CD72: variants seen among roughly 807,000 people sequenced by gnomAD.
CD72 encodes CD72 molecule.
Under a neutral mutation model 50.7 loss-of-function variants are expected in CD72, and 28 were observed. The observed-to-expected ratio is 0.55, with a 90% confidence interval of 0.41 to 0.76. CD72 has a LOEUF of 0.76. CD72 is among the 30% of genes least tolerant of loss of function. The probability of loss-of-function intolerance (pLI) is 0.00; values close to 1 mark genes in which losing one functional copy is unlikely to be tolerated. For synonymous variants in CD72, 176 were observed against 171.2 expected, an observed-to-expected ratio of 1.03 and a Z score of -0.22; for missense variants, 403 against 420.6, an observed-to-expected ratio of 0.96 and a Z score of 0.37.
At chr9:35,615,627 A>G (rs1052588927) in intron 5 of CD72, among the ~76,000 whole-genome samples, 3 of 151,742 alleles carry the variant, frequency 2.0e-5, no homozygotes, top group South Asian at 2.1e-4. Flanking sequence ...TTCACATCCA[A>G]ATTTGGGGGC....
upstream of CD72, among the ~76,000 whole-genome samples, chr9:35,622,699 A>T (rs1476495847): frequency 1.3e-5 from 2 of 152,080 alleles, no homozygotes; most frequent in African/African-American, 2.4e-5. Flanking sequence ...AAGCAAAAGA[A>T]TCGCTTAAAC....
rs772725964 is a variant in CD72, at chr9:35,615,924, C to T, written c.688+19G>A. 1.1e-5 allele frequency: 17 copies of T among 1,596,866 alleles called. No individual in the cohort carries two copies. The highest frequency in any genetic ancestry group is 4.0e-5 in the African/African-American group (3 of 74,324). On this transcript the variant is annotated intron_variant, in intron 5 of 8. Transcript: ENST00000259633. ...CTCCAATCCATCCCTCCCTTCTCTC[C>T]TCTCCCCAGAGCGGATACCTGCTGA...
At chr9:35,635,110 A>T (rs766299174) in intron 1 of CD72, among the ~76,000 whole-genome samples, 2 of 152,232 alleles carry the variant, frequency 1.3e-5, no homozygotes, top group Non-Finnish European at 2.9e-5. Flanking sequence ...TCAGGGTTGC[A>T]GATGAGAAAA....
At chr9:35,645,168 C>T (rs1245455421) in intron 1 of CD72, among the ~76,000 whole-genome samples, 1 of 140,766 alleles carries the variant, frequency 7.1e-6, no homozygotes, top group Admixed American at 7.6e-5. Flanking sequence ...CACTGCACTT[C>T]AGCCTGGGCA....
At chr9:35,611,438 C>T (rs1404613962) in intron 7 of CD72, among the ~76,000 whole-genome samples, 1 of 152,124 alleles carries the variant, frequency 6.6e-6, no homozygotes, top group African/African-American at 2.4e-5. Context: ...CCCCAAGTGG[C>T]CGCTACTGAG....
At chr9:35,629,402 G>A (rs533087449) in intron 1 of CD72, among the ~76,000 whole-genome samples, 1 of 152,130 alleles carries the variant, frequency 6.6e-6, no homozygotes, top group African/African-American at 2.4e-5. Context: ...GTCAGTCAAG[G>A]CCCATCAGAG....
Position 35,610,022 on chromosome 9 carries a change from G to A in CD72, c.*301C>T, listed in dbSNP as rs896318748. The A allele has an allele frequency of 1.7e-5, 7 of 400,574 alleles. No individual in the cohort carries two copies. Among genetic ancestry groups the A allele is most frequent in the Admixed American group, 4.3e-5 (1 of 23,342 alleles). 24.8% of individuals were successfully genotyped at this position (400,574 alleles called of 1,614,324 possible). A position where few individuals can be genotyped will look rare whatever the true frequency, so the allele number is the denominator to read the frequency against. On this transcript the variant is annotated 3_prime_UTR_variant, in exon 9 of 9. Coordinates refer to ENST00000259633, the MANE Select transcript of CD72 (RefSeq NM_001782.3). ...TCAATAAAACTGCCTGGCTGGCTCC[G>A]GGCCGCCCCTATCCGCTCAGCCCGT...
intron 7 of CD72, among the ~76,000 whole-genome samples, chr9:35,611,458 C>T (rs1344680182): frequency 2.6e-5 from 4 of 152,090 alleles, no homozygotes; most frequent in Non-Finnish European, 4.4e-5. Flanking sequence ...GAAAGTACAA[C>T]CTCAGTTTGG....
chr9:35,638,782 C>G (rs1470145301), intron 1 of CD72, among the ~76,000 whole-genome samples: 1 of 151,638 alleles, frequency 6.6e-6, no homozygotes, highest in African/African-American at 2.4e-5. Flanking sequence ...AGAGCAGTTC[C>G]CCGAGAGGAC....
chr9:35,633,272 T>G (rs897881365), intron 1 of CD72, among the ~76,000 whole-genome samples: 13 of 151,910 alleles, frequency 8.6e-5, no homozygotes, highest in Admixed American at 3.9e-4. Context: ...TTGTTTTTTT[T>G]TTTTCATTTC....
chr9:35,628,793 G>T (rs1283512203), intron 1 of CD72, among the ~76,000 whole-genome samples: 2 of 152,194 alleles, frequency 1.3e-5, no homozygotes, highest in African/African-American at 4.8e-5. Context: ...AACTGTGTGG[G>T]CGCATGTTCT....
intron 1 of CD72, among the ~76,000 whole-genome samples, chr9:35,640,267 A>G (rs144217983): frequency 6.6e-6 from 1 of 152,334 alleles, no homozygotes; most frequent in East Asian, 1.9e-4. Flanking sequence ...CTTCTGAACA[A>G]CTAGCTATAA....
intron 1 of CD72, among the ~76,000 whole-genome samples, chr9:35,631,632 G>A (rs1158486309): frequency 6.6e-6 from 1 of 152,152 alleles, no homozygotes; most frequent in Non-Finnish European, 1.5e-5. Flanking sequence ...GGTGGCTCAC[G>A]CCTGTAATCC....
At position 35,617,187 on chromosome 9, in the gene CD72, C is replaced by A. The variant is rs1305504962; in HGVS notation, c.251G>T (p.Arg84Leu). 53 of 1,565,438 alleles carry A rather than the reference C, an allele frequency of 3.4e-5. No individual in the cohort carries two copies. The highest frequency in any genetic ancestry group is 4.5e-5 in the Non-Finnish European group (52 of 1,154,628). The change falls in exon 3 of 9, where the codon CGG becomes CTG. Residue 84 changes from arginine (R) to leucine (L), a missense_variant. Transcript: ENST00000259633. ...WRAVTSPAVG[R>L]ILPCRTTCLR... Reference sequence around the variant, plus strand: ...ACAGGCACACTCACAGGGGAGAATCCGCCCGACAGCTGGTGACGTCACGGC... The same window carrying A: ...ACAGGCACACTCACAGGGGAGAATCAGCCCGACAGCTGGTGACGTCACGGC...
chr9:35,625,679 G>A (rs1823189661), intron 1 of CD72, among the ~76,000 whole-genome samples: 2 of 152,212 alleles, frequency 1.3e-5, no homozygotes, highest in Admixed American at 6.5e-5. Flanking sequence ...AATCTTCAAA[G>A]GACAGGTTGA....
At chr9:35,610,539 TCCCTGCTCTG>T in intron 8 of CD72, 53 bp downstream of exon 8, 2 of 307,228 alleles carry the variant, frequency 6.5e-6, no homozygotes, top group East Asian at 1.4e-4. Context: ...CTGCTCTGAG[TCCCTGCTCTG>T]AGTCCCTCTG....
upstream of CD72, among the ~76,000 whole-genome samples, chr9:35,619,216 G>T (rs1195983861): frequency 6.6e-6 from 1 of 152,192 alleles, no homozygotes; most frequent in East Asian, 1.9e-4. Flanking sequence ...GAGGACCCAG[G>T]GACCGCGAGG....
chr9:35,617,160 G>A lies in CD72; in HGVS notation c.262+16C>T, dbSNP rs918106710. Reference sequence around the variant, plus strand: ...GAGCACTTGGCCCCGCGGCTGCCCCGCACAGGCACACTCACAGGGGAGAAT... The same window carrying A: ...GAGCACTTGGCCCCGCGGCTGCCCCACACAGGCACACTCACAGGGGAGAAT... On this transcript the variant is annotated intron_variant, in intron 3 of 8. Transcript: ENST00000259633. 1.9e-6 allele frequency: 3 copies of A among 1,556,370 alleles called. No individual in the cohort carries two copies. The highest frequency in any genetic ancestry group is 1.2e-5 in the South Asian group (1 of 84,502).
chr9:35,634,719 T>C (rs1823274280), intron 1 of CD72, among the ~76,000 whole-genome samples: 1 of 152,166 alleles, frequency 6.6e-6, no homozygotes, highest in African/African-American at 2.4e-5. Flanking sequence ...CACCTCTCCC[T>C]GCCTTAGACT....
Sources: allele counts gnomAD v4.1 joint callset (sites outside exome capture counted in the v4.1 genomes callset), GRCh38; gene constraint gnomAD v4.1.1; transcripts MANE v1.5; gene names NCBI Gene and HGNC (gene_info 2026-07-23, HGNC 2026-07-21).